Variants in KCNAB2 observed in about 807,000 individuals in gnomAD.
KCNAB2 encodes voltage-gated potassium channel subunit beta-2.
In KCNAB2, 29 loss-of-function variants were observed where a neutral mutation model predicts 63.6. The ratio of observed to expected loss-of-function variants is 0.46; its 90% CI spans 0.34 to 0.62. The LOEUF is 0.62. Among genes scored for constraint, KCNAB2 ranks in the 20% least tolerant of loss-of-function variants. The probability of loss-of-function intolerance (pLI) is 0.01; values close to 1 mark genes in which losing one functional copy is unlikely to be tolerated. For synonymous variants in KCNAB2, 222 were observed against 224.2 expected (o/e 0.99, Z 0.09); for missense variants, 359 against 563.9 (o/e 0.64, Z 3.68).
Position 6,078,904 on chromosome 1 carries a change from G to T in KCNAB2, c.301-3291G>T, listed in dbSNP as rs571787327. Among the ~76,000 whole-genome samples, 1 of 152,352 alleles carries T rather than the reference G, an allele frequency of 6.6e-6. No homozygotes were observed. ...CACGCTTTGCCTGGGGAAGGTGCAG[G>T]GAGAGAGGATGGAAGCAGAGAGCTA... On this transcript the variant is annotated intron_variant, in intron 4 of 15. Coordinates refer to ENST00000378083, the MANE Select transcript of KCNAB2 (RefSeq NM_001199862.2). This position sits in a 1 kb window ranked among gnomAD's most constrained non-coding sequence, Gnocchi z 4.2.
rs1663389515 is a variant in KCNAB2 at position 6,073,348 on chromosome 1, T to A, written c.263-385T>A. ...CCCTGACACCGCCCTCCCCGCTCTG[T>A]CCCAGCAGGAGCACGCAGACGCGGC... On this transcript the variant is annotated intron_variant, in intron 3 of 15. Transcript: ENST00000378083. This position sits in a 1 kb window ranked among gnomAD's most constrained non-coding sequence, Gnocchi z 5.7. 6.6e-6 allele frequency among the ~76,000 whole-genome samples: 1 copy of A among 151,986 alleles called. No homozygotes were observed. Among genetic ancestry groups the A allele is most frequent in the Non-Finnish European group, 1.5e-5 (1 of 68,018 alleles).
At position 6,098,583 on chromosome 1, in the gene KCNAB2, C is replaced by T. The variant is rs184594387; in HGVS notation, c.*9C>T. ...AGGACTACAGATCCTAAGCCGCCCC[C>T]GCCCGCCTGCTCGGACAGTTTCCGT... On this transcript the variant is annotated 3_prime_UTR_variant, in exon 16 of 16. Coordinates refer to ENST00000378083, the MANE Select transcript of KCNAB2 (RefSeq NM_001199862.2). The T allele has an allele frequency of 7.9e-5, 128 of 1,613,096 alleles. No individual in the cohort carries two copies. Among genetic ancestry groups the T allele is most frequent in the Middle Eastern group, 3.3e-4 (2 of 6,062 alleles).
At chr1:6,097,428 G>C (rs752913741) in intron 15 of KCNAB2, 71 bp downstream of exon 15, 1 of 1,546,034 alleles carries the variant, frequency 6.5e-7, no homozygotes, top group Non-Finnish European at 8.7e-7. Flanking sequence ...ATCCTCCCAG[G>C]CTCGTCCTGC....
At chr1:6,041,367 G>A (rs552976538), upstream of KCNAB2, 2 of 183,242 alleles carry the variant, frequency 1.1e-5, no homozygotes, top group Admixed American at 1.1e-4. Flanking sequence ...CAGAGCCCGT[G>A]TCTGTGACAG....
At chr1:6,004,945 GTGGGGGGA>G (rs1657477208) in intron 1 of KCNAB2, among the ~76,000 whole-genome samples, 1 of 141,388 alleles carries the variant, frequency 7.1e-6, no homozygotes, top group African/African-American at 2.7e-5. Flanking sequence ...TGAGGGTGGA[GTGGGGGGA>G]TGTGGGAGCT....
chr1:6,094,173 G>A (rs916256633), intron 10 of KCNAB2, among the ~76,000 whole-genome samples: 1 of 152,162 alleles, frequency 6.6e-6, no homozygotes, highest in African/African-American at 2.4e-5. Flanking sequence ...ACCAGTCGGG[G>A]AAATTGTTTT....
chr1:6,044,817 G>A (rs1660782256), upstream of KCNAB2, among the ~76,000 whole-genome samples: 1 of 152,138 alleles, frequency 6.6e-6, no homozygotes, highest in African/African-American at 2.4e-5. Context: ...AGAGAATGAA[G>A]GGGTGCAGGG....
intron 1 of KCNAB2, among the ~76,000 whole-genome samples, chr1:6,000,943 C>G (rs1657221939): frequency 6.6e-6 from 1 of 152,168 alleles, no homozygotes; most frequent in Non-Finnish European, 1.5e-5. Flanking sequence ...AGGCCACCAC[C>G]AAAGCATCAC....
intron 9 of KCNAB2, among the ~76,000 whole-genome samples, chr1:6,090,677 C>T (rs1665116686): frequency 1.3e-5 from 2 of 152,128 alleles, no homozygotes; most frequent in African/African-American, 4.8e-5. Flanking sequence ...AGACCCCTCG[C>T]CAGGTGCACC....
At chr1:6,085,103 T>A (rs1664582359) in intron 5 of KCNAB2, 101 bp from the exon 6 acceptor site, 9 of 1,221,812 alleles carry the variant, frequency 7.4e-6, no homozygotes, top group Non-Finnish European at 1.1e-5. Context: ...CTGGCCCCAG[T>A]GACATTTTCA....
At chr1:6,020,163 C>T (rs902629226) in intron 1 of KCNAB2, among the ~76,000 whole-genome samples, 4 of 152,188 alleles carry the variant, frequency 2.6e-5, no homozygotes, top group Non-Finnish European at 4.4e-5. Flanking sequence ...GATGTGCCCC[C>T]TCCCCACAGT....
chr1:6,084,772 C>T (rs915978648), intron 5 of KCNAB2, among the ~76,000 whole-genome samples: 12 of 84,096 alleles, frequency 1.4e-4, no homozygotes, highest in Admixed American at 2.7e-4. Context: ...GCCGAGATCT[C>T]GCCACTACAT....
At position 6,096,574 on chromosome 1, in the gene KCNAB2, C is replaced by T. The variant is rs530060601; in HGVS notation, c.949-62C>T. 1.5e-5 allele frequency: 23 copies of T among 1,555,760 alleles called. No individual in the cohort carries two copies. Among genetic ancestry groups the T allele is most frequent in the African/African-American group, 2.7e-5 (2 of 73,752 alleles). ...GGAATGAGCCCATCGGCCCCCTGCA[C>T]GTGGGGGTCCAGGTGACCTGCTCTC... On this transcript the variant is annotated intron_variant, in intron 13 of 15. Transcript: ENST00000378083. The surrounding 1 kb of genome is among the most constrained non-coding windows in gnomAD (Gnocchi z 5.9).
At chr1:6,019,067 G>A (rs1658674110) in intron 1 of KCNAB2, among the ~76,000 whole-genome samples, 1 of 152,178 alleles carries the variant, frequency 6.6e-6, no homozygotes, top group Non-Finnish European at 1.5e-5. Context: ...TGAGGCAAGA[G>A]GACAGTGTAA....
chr1:6,027,553 C>A (rs1047562292), intron 1 of KCNAB2: 3 of 152,236 alleles, frequency 2.0e-5, no homozygotes, highest in Admixed American at 6.5e-5. Context: ...TGGCTGTGGT[C>A]TATTTTTTGT....
At chr1:6,090,514 CG>C (rs1665098531) in intron 9 of KCNAB2, 39 bp downstream of exon 9, 15 of 1,538,006 alleles carry the variant, frequency 9.8e-6, no homozygotes, top group Non-Finnish European at 1.3e-5. Context: ...TAGGCCTGGG[CG>C]GGGTCTGAAG....
intron 1 of KCNAB2, among the ~76,000 whole-genome samples, chr1:6,050,832 C>T (rs1661320085): frequency 6.6e-6 from 1 of 152,240 alleles, no homozygotes; most frequent in African/African-American, 2.4e-5. Flanking sequence ...GCATTCTGCT[C>T]AGTTTTTCTT....
At chr1:6,015,686 GTTGA>G (rs1295290410) in intron 1 of KCNAB2, among the ~76,000 whole-genome samples, 7 of 152,136 alleles carry the variant, frequency 4.6e-5, no homozygotes, top group Non-Finnish European at 8.8e-5. Flanking sequence ...GAGATTTTTG[GTTGA>G]TTGGTTGGTT....
Position 6,046,045 on chromosome 1 carries a change from C to T in KCNAB2, c.-165C>T, listed in dbSNP as rs1388756765. ...AACTCGACTCTGGTGGGACTCATCT[C>T]ATTCACCAATTGCTTCTGACGTCCT... On this transcript the variant is annotated 5_prime_UTR_variant, in exon 1 of 16. Transcript: ENST00000378083. 28 of 985,352 alleles carry T rather than the reference C, an allele frequency of 2.8e-5. No individual in the cohort carries two copies. The highest frequency in any genetic ancestry group is 3.4e-5 in the Non-Finnish European group (28 of 829,952). 61.0% of individuals were successfully genotyped at this position (985,352 alleles called of 1,614,324 possible). A position where few individuals can be genotyped will look rare whatever the true frequency, so the allele number is the denominator to read the frequency against.
Sources: gnomAD v4.1 joint callset for allele counts (sites outside exome capture counted in the v4.1 genomes callset) on GRCh38, gnomAD v4.1.1 for gene constraint, Gnocchi (gnomAD v3.1) non-coding constraint, MANE v1.5 for transcripts, NCBI Gene and HGNC (gene_info 2026-07-23, HGNC 2026-07-21) for gene names.